MICU1: variants seen among roughly 807,000 people sequenced by gnomAD.
MICU1 encodes mitochondrial calcium uptake 1.
Under a neutral mutation model 56.8 loss-of-function variants are expected in MICU1, and 45 were observed. The ratio of observed to expected loss-of-function variants is 0.79; its 90% CI spans 0.62 to 1.02. The LOEUF (loss-of-function observed/expected upper bound fraction) is 1.02. Among genes scored for constraint, MICU1 ranks in the 50% least tolerant of loss-of-function variants. The pLI is 0.00. For missense variants in MICU1, 504 were observed against 587.1 expected (o/e 0.86, Z 1.46); for synonymous variants, 186 against 195.1 (o/e 0.95, Z 0.39).
At chr10:72,375,908 G>T in intron 10 of MICU1, 36 bp from the exon 11 acceptor site, 2 of 1,581,088 alleles carry the variant, frequency 1.3e-6, no homozygotes, top group Non-Finnish European at 1.7e-6. Context: ...CACAGCAGAG[G>T]GATTTTCATT....
At chr10:72,616,094 T>C (rs1841972492) in intron 1 of MICU1, among the ~76,000 whole-genome samples, 1 of 152,258 alleles carries the variant, frequency 6.6e-6, no homozygotes, top group African/African-American at 2.4e-5. Context: ...CCCTCTTTAC[T>C]AATTCTATCA....
intron 1 of MICU1, among the ~76,000 whole-genome samples, chr10:72,623,300 C>CAAAAAAAAAAAAAA (rs1164753291): frequency 1.1e-4 from 6 of 55,900 alleles, no homozygotes; most frequent in Non-Finnish European, 1.5e-4. Flanking sequence ...GACTCCGTCT[C>CAAAAAAAAAAAAAA]AAAAAAAAAA....
At chr10:72,394,230 C>G (rs1315145807) in intron 10 of MICU1, among the ~76,000 whole-genome samples, 1 of 152,136 alleles carries the variant, frequency 6.6e-6, no homozygotes, top group Admixed American at 6.5e-5. Context: ...TTAATTATAT[C>G]TGCAAAGACC....
chr10:72,531,016 C>G (rs1158544152), intron 5 of MICU1, among the ~76,000 whole-genome samples: 1 of 152,012 alleles, frequency 6.6e-6, no homozygotes, highest in African/African-American at 2.4e-5. Flanking sequence ...CTTTCAATGA[C>G]AAAAAGGCTG....
chr10:72,586,211 T>C (rs1841055296), intron 1 of MICU1, among the ~76,000 whole-genome samples: 1 of 151,810 alleles, frequency 6.6e-6, no homozygotes, highest in African/African-American at 2.4e-5. Flanking sequence ...GAGGTCTTGC[T>C]ATGTTGCTTA....
intron 5 of MICU1, 150 bp downstream of exon 5, chr10:72,533,596 A>G (rs1469198482): frequency 1.8e-6 from 1 of 541,936 alleles, no homozygotes; most frequent in East Asian, 3.2e-5. Flanking sequence ...CTGTAGAGGT[A>G]TGTAGAGGCA....
intron 5 of MICU1, among the ~76,000 whole-genome samples, chr10:72,518,848 G>A (rs1331473396): frequency 6.6e-6 from 1 of 151,790 alleles, no homozygotes; most frequent in Admixed American, 6.6e-5. Context: ...GCCTGGCTAA[G>A]TTTTGTATTT....
At chr10:72,459,966 C>G (rs978070827) in intron 8 of MICU1, among the ~76,000 whole-genome samples, 3 of 152,184 alleles carry the variant, frequency 2.0e-5, no homozygotes, top group Non-Finnish European at 4.4e-5. Flanking sequence ...TTTTCTCTCT[C>G]CCCTTTCCTA....
intron 5 of MICU1, among the ~76,000 whole-genome samples, chr10:72,526,807 C>T (rs769617499): frequency 2.0e-5 from 3 of 151,586 alleles, no homozygotes; most frequent in Admixed American, 6.6e-5. Flanking sequence ...GTTGTGTATA[C>T]GACCTCTTAA....
At chr10:72,556,181 C>T (rs1840154207) in intron 3 of MICU1, among the ~76,000 whole-genome samples, 1 of 152,138 alleles carries the variant, frequency 6.6e-6, no homozygotes, top group Non-Finnish European at 1.5e-5. Context: ...ACTCCCTCTC[C>T]TTTTGCTAGT....
At chr10:72,500,282 A>ATTTT (rs1463973429) in intron 6 of MICU1, among the ~76,000 whole-genome samples, 4 of 14,072 alleles carry the variant, frequency 2.8e-4, no homozygotes, top group African/African-American at 5.2e-4. Context: ...ATATATATAT[A>ATTTT]TATATATATA....
chr10:72,408,817 G>C (rs531813189), intron 9 of MICU1, among the ~76,000 whole-genome samples: 11 of 152,286 alleles, frequency 7.2e-5, no homozygotes, highest in African/African-American at 2.4e-4. Context: ...GATATACAGG[G>C]GAACGGTGTC....
At chr10:72,519,985 C>T (rs553966363) in intron 5 of MICU1, among the ~76,000 whole-genome samples, 2 of 151,952 alleles carry the variant, frequency 1.3e-5, no homozygotes, top group Admixed American at 6.6e-5. Flanking sequence ...GGATGAAATC[C>T]TTGGGTTATT....
At chr10:72,590,144 C>T (rs1841182352) in intron 1 of MICU1, among the ~76,000 whole-genome samples, 1 of 152,042 alleles carries the variant, frequency 6.6e-6, no homozygotes, top group South Asian at 2.1e-4. Flanking sequence ...GACTTAACTA[C>T]GTACTGTCTA....
intron 6 of MICU1, among the ~76,000 whole-genome samples, chr10:72,495,194 T>TAC (rs397821738): frequency 2.0e-5 from 3 of 149,684 alleles, no homozygotes; most frequent in Non-Finnish European, 4.4e-5. Context: ...CCAAATTACA[T>TAC]GTCTGCATAA....
At chr10:72,491,652 T>C (rs1414063636) in intron 6 of MICU1, among the ~76,000 whole-genome samples, 2 of 152,100 alleles carry the variant, frequency 1.3e-5, no homozygotes, top group Non-Finnish European at 2.9e-5. Context: ...AGTTCGAGAG[T>C]TAATGTAACT....
chr10:72,564,013 T>A (rs1007290191), intron 2 of MICU1, among the ~76,000 whole-genome samples: 7 of 152,168 alleles, frequency 4.6e-5, no homozygotes, highest in Non-Finnish European at 5.9e-5. Flanking sequence ...ATTTCTTTTT[T>A]AAAAAATAAT....
intron 6 of MICU1, among the ~76,000 whole-genome samples, chr10:72,495,941 A>T (rs1303087631): frequency 6.6e-6 from 1 of 151,934 alleles, no homozygotes; most frequent in African/African-American, 2.4e-5. Context: ...ATGGTAAATT[A>T]TGGTATTCAT....
At chr10:72,523,050 T>C (rs1320163676) in intron 5 of MICU1, among the ~76,000 whole-genome samples, 1 of 152,208 alleles carries the variant, frequency 6.6e-6, no homozygotes, top group Non-Finnish European at 1.5e-5. Flanking sequence ...TCACCTAGTG[T>C]GGTTGACTAC....
Sources: allele counts gnomAD v4.1 joint callset (sites outside exome capture counted in the v4.1 genomes callset), GRCh38; gene constraint gnomAD v4.1.1; transcripts MANE v1.5; gene names NCBI Gene and HGNC (gene_info 2026-07-23, HGNC 2026-07-21).